The following DEPDC1B variants were observed in gnomAD, a reference collection of about 807,000 sequenced individuals.
DEPDC1B encodes the protein DEP domain containing 1B.
A neutral mutation model predicts 66.5 loss-of-function variants in DEPDC1B; 51 were observed. The ratio of observed to expected loss-of-function variants is 0.77; its 90% confidence interval spans 0.61 to 0.97. DEPDC1B has a LOEUF of 0.97. Among genes scored for constraint, DEPDC1B ranks in the 50% least tolerant of loss-of-function variants. The probability of loss-of-function intolerance (pLI) is 0.00; values close to 1 mark genes in which losing one functional copy is unlikely to be tolerated. For synonymous variants in DEPDC1B, 226 were observed against 223.6 expected (o/e 1.01, Z -0.10); for missense variants, 552 against 637.1 (o/e 0.87, Z 1.44).
intron 2 of DEPDC1B, among the ~76,000 whole-genome samples, chr5:60,680,254 G>A (rs948337161): frequency 6.6e-6 from 1 of 152,166 alleles, no homozygotes; most frequent in African/African-American, 2.4e-5. Context: ...ACTCTTTCTA[G>A]TAATTGCTGT....
At chr5:60,694,325 G>A (rs945388118) in intron 1 of DEPDC1B, among the ~76,000 whole-genome samples, 32 of 152,264 alleles carry the variant, frequency 2.1e-4, no homozygotes, top group African/African-American at 7.0e-4. Context: ...TTAAGAATGT[G>A]CCATAATTTA....
At chr5:60,655,122 G>T (rs1483170455) in intron 2 of DEPDC1B, among the ~76,000 whole-genome samples, 1 of 148,936 alleles carries the variant, frequency 6.7e-6, no homozygotes, top group Non-Finnish European at 1.5e-5. Context: ...TGATATAAGG[G>T]CGATAATGGC....
At chr5:60,647,344 C>A in intron 3 of DEPDC1B, 54 bp downstream of exon 3, 1 of 1,536,964 alleles carries the variant, frequency 6.5e-7, no homozygotes, top group African/African-American at 1.4e-5. Flanking sequence ...CCTAGGAGTT[C>A]ATGGATGATT....
intron 7 of DEPDC1B, among the ~76,000 whole-genome samples, chr5:60,608,275 G>A (rs753410388): frequency 9.9e-5 from 15 of 151,968 alleles, no homozygotes; most frequent in African/African-American, 3.6e-4. Context: ...CCTTTGCAAA[G>A]GCAGATTTCA....
At position 60,620,219 on chromosome 5, in the gene DEPDC1B, C is replaced by T. The variant is rs552550301; in HGVS notation, c.899-14363G>A. 3.2e-3 allele frequency among the ~76,000 whole-genome samples: 487 copies of T among 152,306 alleles called. 4 individuals carry two copies. Among genetic ancestry groups the T allele is most frequent in the African/African-American group, 0.011 (453 of 41,558 alleles). ...AAAACCTAGGCAATACCATTCAGGA[C>T]ATAGGCATGGGCAAGGACTTCATGT... On this transcript the variant is annotated intron_variant, in intron 7 of 10. Transcript: ENST00000265036.
At chr5:60,668,361 G>A (rs1347028680) in intron 2 of DEPDC1B, among the ~76,000 whole-genome samples, 21 of 148,092 alleles carry the variant, frequency 1.4e-4, no homozygotes, top group Admixed American at 8.9e-4. Flanking sequence ...TGCAACCTCC[G>A]CCTCCCAGGT....
intron 8 of DEPDC1B, 22 bp downstream of exon 8, chr5:60,605,668 C>G (rs1484968052): frequency 6.2e-7 from 1 of 1,606,546 alleles, no homozygotes; most frequent in African/African-American, 1.3e-5. Context: ...AAAGTCATAC[C>G]TGATGTTAAA....
chr5:60,604,744 C>G (rs1393949964), intron 8 of DEPDC1B, among the ~76,000 whole-genome samples: 1 of 152,044 alleles, frequency 6.6e-6, no homozygotes, highest in African/African-American at 2.4e-5. Flanking sequence ...GACCATGGAC[C>G]CCAGGGACTC....
At chr5:60,611,625 G>C (rs1752415493) in intron 7 of DEPDC1B, among the ~76,000 whole-genome samples, 1 of 152,252 alleles carries the variant, frequency 6.6e-6, no homozygotes, top group Non-Finnish European at 1.5e-5. Flanking sequence ...CTGTGTTGCT[G>C]ATAGGGAGAA....
intron 7 of DEPDC1B, among the ~76,000 whole-genome samples, chr5:60,623,125 T>C (rs1752743055): frequency 6.6e-6 from 1 of 152,208 alleles, no homozygotes; most frequent in African/African-American, 2.4e-5. Context: ...ATCTCTATTA[T>C]ATTTGAATCT....
chr5:60,699,044 T>C (rs1754717394), intron 1 of DEPDC1B, among the ~76,000 whole-genome samples: 1 of 152,156 alleles, frequency 6.6e-6, no homozygotes, highest in Non-Finnish European at 1.5e-5. Flanking sequence ...CAGCCCCAAC[T>C]ATGATTTCTC....
At chr5:60,679,229 ACT>A (rs2112011174) in intron 2 of DEPDC1B, among the ~76,000 whole-genome samples, 1 of 152,184 alleles carries the variant, frequency 6.6e-6, no homozygotes, top group South Asian at 2.1e-4. Context: ...CTGTTTCTGG[ACT>A]CTCTATTCTG....
intron 2 of DEPDC1B, among the ~76,000 whole-genome samples, chr5:60,662,063 A>G (rs1252143338): frequency 6.6e-6 from 1 of 152,094 alleles, no homozygotes; most frequent in Non-Finnish European, 1.5e-5. Context: ...TTAAAGGATA[A>G]GTTTATCACT....
At chr5:60,649,287 A>G (rs1202762249) in intron 2 of DEPDC1B, among the ~76,000 whole-genome samples, 1 of 152,214 alleles carries the variant, frequency 6.6e-6, no homozygotes, top group African/African-American at 2.4e-5. Context: ...ATATTCCCAT[A>G]ACCAGAAAAA....
chr5:60,658,242 C>T (rs2111930096), intron 2 of DEPDC1B, among the ~76,000 whole-genome samples: 1 of 152,304 alleles, frequency 6.6e-6, no homozygotes, highest in Non-Finnish European at 1.5e-5. Context: ...TCCCCTTTCT[C>T]TGGTGACTCC....
At chr5:60,699,454 A>AAAAAAAAAC (rs1554056867) in intron 1 of DEPDC1B, among the ~76,000 whole-genome samples, 3 of 150,908 alleles carry the variant, frequency 2.0e-5, no homozygotes, top group African/African-American at 7.3e-5. Context: ...AAAAAAAAAA[A>AAAAAAAAAC]AAAAAAAACA....
intron 7 of DEPDC1B, among the ~76,000 whole-genome samples, chr5:60,624,448 A>AT (rs1752769771): frequency 6.6e-6 from 1 of 152,080 alleles, no homozygotes; most frequent in Non-Finnish European, 1.5e-5. Flanking sequence ...ATGTGCTACA[A>AT]TTTTTTTGTG....
chr5:60,615,716 GC>G (rs929708270), intron 7 of DEPDC1B, among the ~76,000 whole-genome samples: 7 of 152,216 alleles, frequency 4.6e-5, no homozygotes, highest in Non-Finnish European at 7.3e-5. Flanking sequence ...ACCTCTGGGG[GC>G]AGGGCATAGC....
At chr5:60,663,466 C>G (rs1355160555) in intron 2 of DEPDC1B, among the ~76,000 whole-genome samples, 2 of 152,134 alleles carry the variant, frequency 1.3e-5, no homozygotes, top group African/African-American at 4.8e-5. Flanking sequence ...TGTACCTAAC[C>G]CTTATACTAT....
Sources: gnomAD v4.1 joint callset for allele counts (sites outside exome capture counted in the v4.1 genomes callset) on GRCh38, gnomAD v4.1.1 for gene constraint, MANE v1.5 for transcripts, NCBI Gene and HGNC (gene_info 2026-07-23, HGNC 2026-07-21) for gene names.